Variants in PAM observed in about 807,000 individuals in gnomAD.
PAM encodes the protein peptidyl-glycine alpha-amidating monooxygenase.
PAM carries 72 observed loss-of-function variants against 122.1 expected under a neutral mutation model. The ratio of observed to expected loss-of-function variants is 0.59; its 90% CI spans 0.49 to 0.72. The LOEUF (loss-of-function observed/expected upper bound fraction) is 0.72. PAM is among the 30% of genes least tolerant of loss of function. The pLI is 0.00. For missense variants in PAM, 1,106 were observed against 1,183.7 expected, an observed-to-expected ratio of 0.93 and a Z score of 0.96; for synonymous variants, 389 against 404.4, an observed-to-expected ratio of 0.96 and a Z score of 0.46.
intron 1 of PAM, among the ~76,000 whole-genome samples, chr5:102,857,352 C>T (rs577085321): frequency 2.8e-4 from 43 of 152,114 alleles, no homozygotes; most frequent in African/African-American, 1.0e-3. Context: ...TTTTATGGCT[C>T]TTCAAGAGAG....
At chr5:102,784,749 A>C (rs1037308380) in intron 1 of PAM, among the ~76,000 whole-genome samples, 7 of 152,212 alleles carry the variant, frequency 4.6e-5, no homozygotes, top group African/African-American at 1.7e-4. Context: ...TTTACTATAT[A>C]TTATCTCATT....
intron 15 of PAM, among the ~76,000 whole-genome samples, chr5:102,980,319 T>G (rs1459497869): frequency 6.6e-6 from 1 of 152,192 alleles, no homozygotes; most frequent in Non-Finnish European, 1.5e-5. Flanking sequence ...AAATCTGAAC[T>G]AGAATTTTTA....
intron 1 of PAM, among the ~76,000 whole-genome samples, chr5:102,825,142 C>T (rs957519315): frequency 1.3e-5 from 2 of 152,134 alleles, no homozygotes; most frequent in Non-Finnish European, 2.9e-5. Context: ...GAAAAAGAAA[C>T]AATCTAATTT....
At position 102,770,961 on chromosome 5, in the gene PAM, T is replaced by C. The variant is rs145277407; in HGVS notation, c.-374+15613T>C. 8.5e-3 allele frequency among the ~76,000 whole-genome samples: 1,286 copies of C among 152,170 alleles called. 26 individuals carry two copies. The highest frequency in any genetic ancestry group is 0.03 in the African/African-American group (1,235 of 41,530). The stretch of plus-strand genomic sequence containing the variant: ...TTTGATTGTGTCTCTAGGTTTTTCG[T>C]TTGTTTGTTTTAAGGTGATAAGAGC... On this transcript the variant is annotated intron_variant, in intron 1 of 25. Coordinates refer to ENST00000438793, the MANE Select transcript of PAM (RefSeq NM_001177306.2).
chr5:102,931,150 C>T (rs1433850377), intron 7 of PAM, among the ~76,000 whole-genome samples: 1 of 152,138 alleles, frequency 6.6e-6, no homozygotes, highest in Non-Finnish European at 1.5e-5. Flanking sequence ...GGATAAATTT[C>T]CCTAAATACA....
chr5:102,955,577 G>T (rs1446867293), intron 12 of PAM, among the ~76,000 whole-genome samples: 1 of 152,008 alleles, frequency 6.6e-6, no homozygotes, highest in African/African-American at 2.4e-5. Context: ...TATTAAGTAT[G>T]CCAGTATAAA....
At position 102,961,212 on chromosome 5, in the gene PAM, A is replaced by G; in HGVS notation, c.1145A>G (p.Glu382Gly). The G allele has an allele frequency of 1.9e-6, 3 of 1,571,558 alleles. No individual in the cohort carries two copies. The highest frequency in any genetic ancestry group is 2.6e-6 in the Non-Finnish European group (3 of 1,141,932). Reference sequence around the variant, plus strand: ...CTACAGCAGCCAAAACGAGAAGAAGAAGAAGTGTTAGACCAGGGTATGTAT... The same window carrying G: ...CTACAGCAGCCAAAACGAGAAGAAGGAGAAGTGTTAGACCAGGGTATGTAT... ...PLLQQPKREE[E>G]EVLDQGDFYS... Residue 382 changes from glutamate to glycine, a missense_variant, in exon 14 of 26, where the codon GAA becomes GGA. Coordinates refer to ENST00000438793, the MANE Select transcript of PAM (RefSeq NM_001177306.2).
intron 7 of PAM, among the ~76,000 whole-genome samples, chr5:102,942,593 T>G (rs1399501961): frequency 6.6e-6 from 1 of 151,994 alleles, no homozygotes; most frequent in Non-Finnish European, 1.5e-5. Flanking sequence ...TAAATTTTTT[T>G]TTTTTTTGAA....
rs374724619 is a variant in PAM at position 102,798,234 on chromosome 5, T to A, written c.-374+42886T>A. Among the ~76,000 whole-genome samples, 7 of 152,294 alleles carry A rather than the reference T, an allele frequency of 4.6e-5. No homozygotes were observed. In the South Asian group the frequency reaches 1.0e-3, roughly 23 times the overall value. ...CAGCCAGATCAGTGCCCAAAGTACC[T>A]CGTGGTATGGGTGATGGGAGACAAT... is the stretch of plus-strand genomic sequence containing the variant. On this transcript the variant is annotated intron_variant, in intron 1 of 25. Coordinates refer to ENST00000438793, the MANE Select transcript of PAM (RefSeq NM_001177306.2).
chr5:102,768,197 A>G (rs1225566034), intron 1 of PAM, among the ~76,000 whole-genome samples: 1 of 152,056 alleles, frequency 6.6e-6, no homozygotes, highest in Non-Finnish European at 1.5e-5. Context: ...AAATTTTTCT[A>G]AATTTTTTTA....
intron 15 of PAM, 33 bp from the exon 16 acceptor site, chr5:102,990,239 C>T: frequency 1.3e-6 from 2 of 1,481,520 alleles, no homozygotes; most frequent in Non-Finnish European, 1.8e-6. Context: ...CGACCTTTCC[C>T]TTTTACACTA....
intron 3 of PAM, among the ~76,000 whole-genome samples, chr5:102,896,902 G>C (rs1796373247): frequency 6.6e-6 from 1 of 151,408 alleles, no homozygotes; most frequent in Admixed American, 6.6e-5. Flanking sequence ...ATTTTCTTTT[G>C]CTCTAGCTTC....
chr5:102,789,542 G>T (rs1366290706), intron 1 of PAM, among the ~76,000 whole-genome samples: 2 of 152,072 alleles, frequency 1.3e-5, no homozygotes. Context: ...AGACACAAAA[G>T]GACAAATGTG....
intron 21 of PAM, among the ~76,000 whole-genome samples, chr5:103,010,171 T>C (rs370931317): frequency 3.7e-4 from 56 of 152,274 alleles, no homozygotes; most frequent in African/African-American, 1.3e-3. Context: ...ATAGTTAGAA[T>C]ACAAAAAATA....
chr5:102,805,421 T>A (rs1765960622), intron 1 of PAM, among the ~76,000 whole-genome samples: 1 of 152,160 alleles, frequency 6.6e-6, no homozygotes, highest in Non-Finnish European at 1.5e-5. Context: ...TTTACACTAT[T>A]GTTTGGATGT....
At chr5:103,005,467 A>G (rs566598370) in intron 18 of PAM, among the ~76,000 whole-genome samples, 5 of 152,222 alleles carry the variant, frequency 3.3e-5, no homozygotes, top group African/African-American at 4.8e-5. Flanking sequence ...ATTCAAGAAC[A>G]GGGTGCCAGC....
At chr5:102,957,949 C>T (rs1252857659) in intron 12 of PAM, among the ~76,000 whole-genome samples, 1 of 152,120 alleles carries the variant, frequency 6.6e-6, no homozygotes, top group Non-Finnish European at 1.5e-5. Context: ...AATTCCCTCT[C>T]TAAGTATTTT....
intron 7 of PAM, among the ~76,000 whole-genome samples, chr5:102,929,567 A>G (rs939420002): frequency 6.6e-6 from 1 of 152,196 alleles, no homozygotes; most frequent in Non-Finnish European, 1.5e-5. Flanking sequence ...AAATTATTAT[A>G]TTCTACTGAA....
At chr5:102,786,925 A>G (rs1375089099) in intron 1 of PAM, among the ~76,000 whole-genome samples, 1 of 152,216 alleles carries the variant, frequency 6.6e-6, no homozygotes, top group Non-Finnish European at 1.5e-5. Context: ...AATTAATAAT[A>G]ATAATGATAA....
Sources: gnomAD v4.1 joint callset for allele counts (sites outside exome capture counted in the v4.1 genomes callset) on GRCh38, gnomAD v4.1.1 for gene constraint, MANE v1.5 for transcripts, NCBI Gene and HGNC (gene_info 2026-07-23, HGNC 2026-07-21) for gene names.